Variants in CDH3 observed in about 807,000 individuals in gnomAD.
CDH3 encodes the protein cadherin-3.
A neutral mutation model predicts 82.0 loss-of-function variants in CDH3; 54 were observed. That is an observed-to-expected ratio of 0.66 (90% CI 0.53 to 0.83). CDH3 has a LOEUF of 0.83. CDH3 is among the 40% of genes least tolerant of loss of function. CDH3 has a pLI of 0.00. For synonymous variants in CDH3, 446 were observed against 437.9 expected, an observed-to-expected ratio of 1.02 and a Z score of -0.23; for missense variants, 1,054 against 1,084.6, an observed-to-expected ratio of 0.97 and a Z score of 0.40.
intron 2 of CDH3, among the ~76,000 whole-genome samples, chr16:68,660,359 T>A (rs905700950): frequency 3.9e-5 from 6 of 152,260 alleles, no homozygotes; most frequent in Admixed American, 3.9e-4. Flanking sequence ...TTAAATTGCA[T>A]GACTCAGAAG....
chr16:68,704,665 G>A (rs768385254), downstream of CDH3, among the ~76,000 whole-genome samples: 11 of 152,268 alleles, frequency 7.2e-5, no homozygotes, highest in Non-Finnish European at 1.6e-4. Context: ...TGGCCGGAAC[G>A]GCCTTGGACA....
At position 68,698,310 on chromosome 16, in the gene CDH3, C is replaced by CAA; in HGVS notation, c.2400_2401insAA (p.Asp801LysfsTer10). 6.2e-7 allele frequency: 1 copy of CAA among 1,614,246 alleles called. No individual in the cohort carries two copies. Among genetic ancestry groups the CAA allele is most frequent in the Non-Finnish European group, 8.5e-7 (1 of 1,180,032 alleles). On this transcript the variant is annotated frameshift_variant, in exon 16 of 16. Coordinates refer to ENST00000264012, the MANE Select transcript of CDH3 (RefSeq NM_001793.6). LOFTEE classifies it high-confidence loss of function. ...TGAGCTCCCTCACCTCCTCCGCCTC[C>CAA]GACCAAGACCAAGATTACGATTATC...
chr16:68,712,285 C>A (rs919951175), intron 1 of CDH3, among the ~76,000 whole-genome samples: 7 of 141,448 alleles, frequency 4.9e-5, no homozygotes, highest in Non-Finnish European at 7.9e-5. Context: ...AATCCTCCCA[C>A]CTTGACCTCC....
At chr16:68,725,435 G>A (rs1316990875) in intron 2 of CDH3, among the ~76,000 whole-genome samples, 5 of 151,796 alleles carry the variant, frequency 3.3e-5, no homozygotes, top group African/African-American at 4.8e-5. Flanking sequence ...CAGGGTTCAC[G>A]CCATTCTCCT....
chr16:68,653,729 G>A (rs576272945), intron 2 of CDH3, among the ~76,000 whole-genome samples: 50 of 140,906 alleles, frequency 3.5e-4, no homozygotes, highest in African/African-American at 1.3e-3. Context: ...TCGCTCTGTC[G>A]CCTAGGCTGG....
chr16:68,715,121 G>A (rs567077741), intron 1 of CDH3, among the ~76,000 whole-genome samples: 3 of 151,354 alleles, frequency 2.0e-5, no homozygotes, highest in Non-Finnish European at 3.0e-5. Context: ...ACACACCCAG[G>A]AAGTAGCAGA....
At chr16:68,702,936 C>T (rs1360658387), downstream of CDH3, among the ~76,000 whole-genome samples, 1 of 152,098 alleles carries the variant, frequency 6.6e-6, no homozygotes, top group Admixed American at 6.6e-5. Flanking sequence ...CTAGCCTCAT[C>T]CTCCCAGCTT....
At position 68,698,776 on chromosome 16, in the gene CDH3, A is replaced by ATT; in HGVS notation, c.*386_*387dup. On this transcript the variant is annotated 3_prime_UTR_variant, in exon 16 of 16. Coordinates refer to ENST00000264012, the MANE Select transcript of CDH3 (RefSeq NM_001793.6). ...TTCTTAGGCCTCCTGGTGCAACTTAATTTTTTTTTTTAATGCTATCTTCAA... is the reference window on the plus strand; with the variant it reads ...TTCTTAGGCCTCCTGGTGCAACTTAATTTTTTTTTTTTTAATGCTATCTTCAA... 13 of 191,554 alleles carry ATT rather than the reference A, an allele frequency of 6.8e-5. No individual in the cohort carries two copies. The highest frequency in any genetic ancestry group is 2.6e-4 in the East Asian group (2 of 7,606). 11.9% of individuals were successfully genotyped at this position (191,554 alleles called of 1,614,324 possible). A position where few individuals can be genotyped will look rare whatever the true frequency, so the allele number is the denominator to read the frequency against.
At chr16:68,694,808 G>A (rs1961670060) in intron 13 of CDH3, among the ~76,000 whole-genome samples, 1 of 152,114 alleles carries the variant, frequency 6.6e-6, no homozygotes, top group Non-Finnish European at 1.5e-5. Flanking sequence ...CCGACGAAAG[G>A]TTTTCTTAAG....
At chr16:68,706,797 G>A (rs752446816) in intron 1 of CDH3, among the ~76,000 whole-genome samples, 5 of 151,826 alleles carry the variant, frequency 3.3e-5, no homozygotes, top group African/African-American at 7.3e-5. Flanking sequence ...CAAATGATCC[G>A]CCTGCCTCAG....
downstream of CDH3, among the ~76,000 whole-genome samples, chr16:68,730,426 T>TGAGGCAGGAGAATTGCTTG (rs966410722): frequency 6.6e-6 from 1 of 151,988 alleles, no homozygotes; most frequent in African/African-American, 2.4e-5. Context: ...CTCAGGAGGC[T>TGAGGCAGGAGAATTGCTTG]GAGGCAGGAG....
chr16:68,671,058 G>T (rs1960872007), intron 2 of CDH3, among the ~76,000 whole-genome samples: 1 of 151,992 alleles, frequency 6.6e-6, no homozygotes, highest in African/African-American at 2.4e-5. Flanking sequence ...GAGTAACAGA[G>T]CGAGACTGTG....
chr16:68,667,564 A>G (rs967217146), intron 2 of CDH3, among the ~76,000 whole-genome samples: 5 of 152,230 alleles, frequency 3.3e-5, no homozygotes, highest in African/African-American at 1.2e-4. Context: ...CTGACCTTCA[A>G]GGGTATTCCC....
chr16:68,718,411 G>A (rs1278510960), intron 1 of CDH3, among the ~76,000 whole-genome samples: 1 of 152,110 alleles, frequency 6.6e-6, no homozygotes, highest in Non-Finnish European at 1.5e-5. Context: ...TGGGTGTGGT[G>A]GCTCATGCCT....
chr16:68,715,871 C>T (rs1456387468), intron 1 of CDH3, among the ~76,000 whole-genome samples: 1 of 152,210 alleles, frequency 6.6e-6, no homozygotes, highest in Non-Finnish European at 1.5e-5. Context: ...AAGCACATGA[C>T]CTTTGACCCA....
In CDH3 at chr16:68,684,776, TGTGTGTCTACACTGCA is replaced by T. The variant is rs1961355365; in HGVS notation, c.1378_1393del (p.Cys460LysfsTer15). The stretch of plus-strand genomic sequence containing the variant: ...GAGGGCATCCCCACTGGGGAGCCTG[TGTGTGTCTACACTGCA>T]GAAGACCCTGACAAGGAGAATCAAA... On this transcript the variant is annotated frameshift_variant, in exon 10 of 16. Transcript: ENST00000264012. LOFTEE classifies it high-confidence loss of function. 1 of 1,614,080 alleles carries T rather than the reference TGTGTGTCTACACTGCA, an allele frequency of 6.2e-7. No homozygotes were observed. The highest frequency in any genetic ancestry group is 1.3e-5 in the African/African-American group (1 of 74,934).
chr16:68,684,576 C>T lies in CDH3; in HGVS notation c.1183-7C>T. The T allele has an allele frequency of 1.2e-6, 2 of 1,614,150 alleles. No individual in the cohort carries two copies. The highest frequency in any genetic ancestry group is 1.7e-6 in the Non-Finnish European group (2 of 1,180,020). On this transcript the variant is annotated splice_region_variant and splice_polypyrimidine_tract_variant and intron_variant, in intron 9 of 15. Coordinates refer to ENST00000264012, the MANE Select transcript of CDH3 (RefSeq NM_001793.6). ...TGGTCCAGGTCCTTCTTCCTCTTCT[C>T]TCCTAGGGTTTGGATTTTGAGGCCA...
chr16:68,717,602 G>A (rs62057809), intron 1 of CDH3, among the ~76,000 whole-genome samples: 17,257 of 151,840 alleles, frequency 0.11, 1,003 homozygotes, highest in Middle Eastern at 0.15. Context: ...GTGAAACCCC[G>A]TCTCTACTAA....
intron 2 of CDH3, chr16:68,651,088 C>T: frequency 2.4e-6 from 1 of 423,472 alleles, no homozygotes; most frequent in South Asian, 2.1e-5. Flanking sequence ...TGGGCCTGGG[C>T]AGTCGTTGGT....
Sources: allele counts gnomAD v4.1 joint callset (sites outside exome capture counted in the v4.1 genomes callset), GRCh38; gene constraint gnomAD v4.1.1; transcripts MANE v1.5; gene names NCBI Gene and HGNC (gene_info 2026-07-23, HGNC 2026-07-21).